CLPB: variants seen among roughly 807,000 people sequenced by gnomAD.
CLPB encodes the protein mitochondrial disaggregase.
In CLPB, 40 loss-of-function variants were observed where a neutral mutation model predicts 78.4. That is an observed-to-expected ratio of 0.51 (90% CI 0.40 to 0.66). CLPB has a LOEUF of 0.66. CLPB is among the 30% of genes least tolerant of loss of function. The pLI is 0.00. For missense variants in CLPB, 780 were observed against 886.9 expected (o/e 0.88, Z 1.53); for synonymous variants, 333 against 348.0 (o/e 0.96, Z 0.48).
At chr11:72,414,691 G>A (rs1855970070) in intron 2 of CLPB, among the ~76,000 whole-genome samples, 1 of 152,160 alleles carries the variant, frequency 6.6e-6, no homozygotes, top group Non-Finnish European at 1.5e-5. Context: ...AGCTGGAGGA[G>A]GGAAAATGAA....
intron 6 of CLPB, among the ~76,000 whole-genome samples, chr11:72,321,161 T>C (rs1256461459): frequency 6.6e-6 from 1 of 152,086 alleles, no homozygotes; most frequent in Non-Finnish European, 1.5e-5. Flanking sequence ...TAAATACTAT[T>C]GTTCCTGTCT....
At chr11:72,325,028 G>A (rs1565439009) in intron 6 of CLPB, among the ~76,000 whole-genome samples, 1 of 152,146 alleles carries the variant, frequency 6.6e-6, no homozygotes, top group Non-Finnish European at 1.5e-5. Context: ...TGATTAAAAT[G>A]AGCAATAAAT....
chr11:72,423,704 C>T (rs1256723576), intron 2 of CLPB, among the ~76,000 whole-genome samples: 1 of 152,222 alleles, frequency 6.6e-6, no homozygotes. Flanking sequence ...CACATACTGG[C>T]TGAAAATTCC....
At chr11:72,384,081 G>A (rs73530751) in intron 3 of CLPB, among the ~76,000 whole-genome samples, 2,871 of 152,180 alleles carry the variant, frequency 0.019, 94 homozygotes, top group African/African-American at 0.066. Flanking sequence ...TTGAGCTTGC[G>A]GGGCAGAGAT....
intron 3 of CLPB, 36 bp downstream of exon 3, chr11:72,402,930 G>A (rs753164144): frequency 6.4e-7 from 1 of 1,573,534 alleles, no homozygotes; most frequent in East Asian, 2.2e-5. Context: ...GCAGAGATCT[G>A]CCTAAAGGAG....
At chr11:72,331,358 C>T (rs112320974) in intron 5 of CLPB, among the ~76,000 whole-genome samples, 5 of 150,636 alleles carry the variant, frequency 3.3e-5, no homozygotes, top group Non-Finnish European at 5.9e-5. Context: ...GAGCAGAGAT[C>T]GCGCCACTGC....
chr11:72,343,140 G>A (rs1950451776), intron 5 of CLPB, among the ~76,000 whole-genome samples: 2 of 152,136 alleles, frequency 1.3e-5, no homozygotes, highest in Admixed American at 1.3e-4. Context: ...CCCTCTGCTT[G>A]GATGAAAAGT....
chr11:72,342,907 A>G (rs1950446645), intron 5 of CLPB, among the ~76,000 whole-genome samples: 2 of 152,222 alleles, frequency 1.3e-5, no homozygotes, highest in African/African-American at 4.8e-5. Context: ...AAGGAGGCTG[A>G]GGAAAGGGCA....
chr11:72,373,960 CAAA>C (rs35682727), intron 4 of CLPB, among the ~76,000 whole-genome samples: 12 of 80,544 alleles, frequency 1.5e-4, no homozygotes, highest in Non-Finnish European at 1.2e-4. Flanking sequence ...AACTCTGTCT[CAAA>C]AAAAAAAAAA....
intron 5 of CLPB, chr11:72,353,020 C>A (rs931823165): frequency 6.6e-6 from 1 of 152,246 alleles, no homozygotes; most frequent in African/African-American, 2.4e-5. Context: ...AGAGGACAGA[C>A]AGCCTGAGGC....
At chr11:72,331,443 G>A (rs1950224333) in intron 5 of CLPB, among the ~76,000 whole-genome samples, 3 of 151,700 alleles carry the variant, frequency 2.0e-5, no homozygotes, top group Non-Finnish European at 2.9e-5. Context: ...GTCTCACTAT[G>A]TTGCCCAGGC....
chr11:72,372,318 G>T (rs1407161966), intron 4 of CLPB, among the ~76,000 whole-genome samples: 6 of 152,204 alleles, frequency 3.9e-5, no homozygotes, highest in Admixed American at 3.9e-4. Context: ...ATGTTCTGGG[G>T]TTTAGGTTAG....
chr11:72,298,482 G>A (rs921681316), intron 11 of CLPB, among the ~76,000 whole-genome samples: 1 of 152,168 alleles, frequency 6.6e-6, no homozygotes, highest in Non-Finnish European at 1.5e-5. Context: ...AAATGAATGA[G>A]CCACATTCTT....
At chr11:72,430,914 T>C (rs748597498) in intron 1 of CLPB, among the ~76,000 whole-genome samples, 17 of 152,184 alleles carry the variant, frequency 1.1e-4, no homozygotes, top group Non-Finnish European at 2.1e-4. Context: ...ACTCACCACG[T>C]GACCATGACA....
At chr11:72,354,158 G>C (rs1950663492) in intron 5 of CLPB, 1 of 365,518 alleles carries the variant, frequency 2.7e-6, no homozygotes. Context: ...CCAAGATCCT[G>C]ACTCCAATAT....
At chr11:72,433,376 C>T (rs1440765001) in intron 1 of CLPB, among the ~76,000 whole-genome samples, 1 of 151,840 alleles carries the variant, frequency 6.6e-6, no homozygotes, top group Non-Finnish European at 1.5e-5. Context: ...TGACCAACAA[C>T]TAAAAATACA....
In CLPB at chr11:72,289,375, T is replaced by TA. The variant is rs1185738942; in HGVS notation, c.*3991dup. On this transcript the variant is annotated 3_prime_UTR_variant, in exon 16 of 16. Transcript: ENST00000538039. ...GACAGCCGGGCATAAGACCTCTATC[T>TA]AGTAGGAATACTGCACACAGGCTGG... 6.6e-6 allele frequency: 1 copy of TA among 152,150 alleles called. No homozygotes were observed. Among genetic ancestry groups the TA allele is most frequent in the Admixed American group, 6.6e-5 (1 of 15,264 alleles). 9.4% of individuals were successfully genotyped at this position (152,150 alleles called of 1,614,324 possible).
chr11:72,409,776 G>A (rs753455631), intron 2 of CLPB, among the ~76,000 whole-genome samples: 4 of 152,190 alleles, frequency 2.6e-5, no homozygotes, highest in South Asian at 4.1e-4. Context: ...TTGGGAGTTC[G>A]AGATCAGCCT....
At chr11:72,364,356 C>T (rs905893282) in intron 4 of CLPB, among the ~76,000 whole-genome samples, 20 of 151,858 alleles carry the variant, frequency 1.3e-4, no homozygotes, top group South Asian at 2.1e-4. Context: ...TACATGCACG[C>T]GCCACCATGC....
Sources: allele counts gnomAD v4.1 joint callset (sites outside exome capture counted in the v4.1 genomes callset), GRCh38; gene constraint gnomAD v4.1.1; transcripts MANE v1.5; gene names NCBI Gene and HGNC (gene_info 2026-07-23, HGNC 2026-07-21).